TEC: variants seen among roughly 807,000 people sequenced by gnomAD.
The protein encoded by TEC is tec protein tyrosine kinase.
TEC carries 72 observed loss-of-function variants against 93.0 expected under a neutral mutation model. The ratio of observed to expected loss-of-function variants is 0.77; its 90% CI spans 0.64 to 0.94. TEC has a LOEUF of 0.94. TEC is among the 40% of genes least tolerant of loss of function. The probability of loss-of-function intolerance (pLI) is 0.00; values close to 1 mark genes in which losing one functional copy is unlikely to be tolerated. For missense variants in TEC, 630 were observed against 757.9 expected, an observed-to-expected ratio of 0.83 and a Z score of 1.98; for synonymous variants, 249 against 247.7, an observed-to-expected ratio of 1.01 and a Z score of -0.05.
chr4:48,235,315 G>C (rs140618513), intron 1 of TEC, among the ~76,000 whole-genome samples: 4 of 152,184 alleles, frequency 2.6e-5, no homozygotes, highest in African/African-American at 9.6e-5. Context: ...CCTAGTACAG[G>C]AGCTCAGTCC....
intron 2 of TEC, among the ~76,000 whole-genome samples, chr4:48,179,355 TATATATATATATATATA>T (rs1560393088): frequency 5.9e-4 from 20 of 34,134 alleles, no homozygotes; most frequent in African/African-American, 1.3e-3. Context: ...TATATATATA[TATATATATATATATATA>T]TATATTTTTT....
intron 1 of TEC, among the ~76,000 whole-genome samples, chr4:48,236,389 C>T (rs1264797262): frequency 2.0e-5 from 3 of 151,944 alleles, no homozygotes; most frequent in Non-Finnish European, 4.4e-5. Flanking sequence ...TCACGCCATT[C>T]TCCTGCCTCA....
At chr4:48,145,323 C>G (rs375204563) in intron 13 of TEC, 28 bp from the exon 14 acceptor site, 1 of 1,612,002 alleles carries the variant, frequency 6.2e-7, no homozygotes, top group Non-Finnish European at 8.5e-7. Context: ...TATATAGTTA[C>G]TATAGGAAAA....
At chr4:48,260,587 G>A (rs554389019) in intron 1 of TEC, among the ~76,000 whole-genome samples, 9 of 150,040 alleles carry the variant, frequency 6.0e-5, no homozygotes, top group African/African-American at 2.2e-4. Flanking sequence ...CTAAGCAACA[G>A]AGCAAGACTC....
intron 2 of TEC, among the ~76,000 whole-genome samples, chr4:48,221,107 A>G (rs903685813): frequency 1.3e-5 from 2 of 152,252 alleles, no homozygotes; most frequent in African/African-American, 4.8e-5. Flanking sequence ...TAAAGGATAC[A>G]AATGAACAAC....
Position 48,149,551 on chromosome 4 carries a change from A to T in TEC, c.1006+6T>A. On this transcript the variant is annotated splice_donor_region_variant and intron_variant, in intron 11 of 17. Transcript: ENST00000381501. ...TATTTGAAGTAGGTTTTCACAGCTC[A>T]CTTACCTGCTGCATTGTGCTTATGA... The T allele has an allele frequency of 6.3e-7, 1 of 1,593,710 alleles. No homozygotes were observed.
At chr4:48,240,960 A>C (rs1459721775) in intron 1 of TEC, among the ~76,000 whole-genome samples, 4 of 152,168 alleles carry the variant, frequency 2.6e-5, no homozygotes, top group Admixed American at 2.6e-4. Context: ...TAACAGGAAA[A>C]AAAAAACTGT....
chr4:48,219,157 A>G (rs1258099749), intron 2 of TEC, among the ~76,000 whole-genome samples: 2 of 152,242 alleles, frequency 1.3e-5, no homozygotes, highest in Non-Finnish European at 2.9e-5. Context: ...TAACCTAGGA[A>G]TAACCAGCGG....
chr4:48,165,002 C>A (rs1720824544), intron 7 of TEC, among the ~76,000 whole-genome samples: 1 of 151,886 alleles, frequency 6.6e-6, no homozygotes, highest in Non-Finnish European at 1.5e-5. Flanking sequence ...CAGAACGAGA[C>A]TCCATCTCAA....
rs1014141563 is a variant in TEC, at chr4:48,138,785, C to T, written c.1692G>A (p.Met564Ile). Residue 564 changes from methionine to isoleucine, a missense_variant, in exon 17 of 18, where the codon ATG becomes ATA. By Grantham distance (10) the Met-to-Ile change is conservative (BLOSUM62 1). Transcript: ENST00000381501. ...CATAATTGGTGTATTTTTCAAAAGG[C>T]ATTCTGCCTTCCGTGAATACTTCCC... ...LMWEVFTEGR[M>I]PFEKYTNYEV... The T allele has an allele frequency of 2.5e-6, 4 of 1,613,790 alleles. No individual in the cohort carries two copies. Among genetic ancestry groups the T allele is most frequent in the Non-Finnish European group, 3.4e-6 (4 of 1,179,902 alleles).
At chr4:48,219,599 G>A (rs573203228) in intron 2 of TEC, among the ~76,000 whole-genome samples, 3 of 152,156 alleles carry the variant, frequency 2.0e-5, no homozygotes, top group African/African-American at 4.8e-5. Context: ...AAATGCTGAC[G>A]TGTGCAGAGA....
At chr4:48,267,967 C>T (rs548219134) in intron 1 of TEC, among the ~76,000 whole-genome samples, 2 of 152,172 alleles carry the variant, frequency 1.3e-5, no homozygotes, top group African/African-American at 4.8e-5. Flanking sequence ...TCTGGATACC[C>T]GGAGAAAGGC....
At chr4:48,232,065 G>A (rs1340372565) in intron 1 of TEC, among the ~76,000 whole-genome samples, 1 of 152,076 alleles carries the variant, frequency 6.6e-6, no homozygotes, top group East Asian at 1.9e-4. Context: ...AAGGCAGGAG[G>A]ATCACTTGAG....
chr4:48,202,990 G>C (rs1722582973), intron 2 of TEC, among the ~76,000 whole-genome samples: 1 of 152,192 alleles, frequency 6.6e-6, no homozygotes, highest in Admixed American at 6.5e-5. Context: ...AGAACTGAGG[G>C]AACCAGCCAG....
Position 48,137,367 on chromosome 4 carries a change from C to G in TEC, c.*49G>C, listed in dbSNP as rs1198706872. 6.8e-7 allele frequency: 1 copy of G among 1,471,168 alleles called. No individual in the cohort carries two copies. Among genetic ancestry groups the G allele is most frequent in the South Asian group, 1.2e-5 (1 of 85,970 alleles). The allele number at this position is 1,471,168 out of a possible 1,614,324, so 91.1% of individuals were successfully genotyped here. On this transcript the variant is annotated 3_prime_UTR_variant, in exon 18 of 18. Coordinates refer to ENST00000381501, the MANE Select transcript of TEC (RefSeq NM_003215.3). ...CAATAAATTAAAAGCCACAAAATGC[C>G]CATCCTTCCTTGTGCTTGGGAATCT...
At chr4:48,235,270 G>A (rs1199791221) in intron 1 of TEC, among the ~76,000 whole-genome samples, 1 of 152,082 alleles carries the variant, frequency 6.6e-6, no homozygotes, top group African/African-American at 2.4e-5. Context: ...TTTAGCATGG[G>A]TGACTCCATT....
intron 2 of TEC, among the ~76,000 whole-genome samples, chr4:48,227,641 C>CAAAAAAA (rs34047322): frequency 1.2e-5 from 1 of 84,298 alleles, no homozygotes; most frequent in African/African-American, 4.3e-5. Context: ...GACACTGTCT[C>CAAAAAAA]AAAAAAAAAA....
At chr4:48,175,590 C>T (rs2109554701) in intron 3 of TEC, among the ~76,000 whole-genome samples, 1 of 152,172 alleles carries the variant, frequency 6.6e-6, no homozygotes, top group Middle Eastern at 3.4e-3. Flanking sequence ...AGGAGATGCG[C>T]GTGTGTGTGC....
intron 1 of TEC, among the ~76,000 whole-genome samples, chr4:48,250,870 G>A (rs1314332783): frequency 1.3e-5 from 2 of 152,166 alleles, no homozygotes; most frequent in African/African-American, 4.8e-5. Context: ...CTATACTCAT[G>A]AGCAAAAATA....
Sources: gnomAD v4.1 joint callset for allele counts (sites outside exome capture counted in the v4.1 genomes callset) on GRCh38, gnomAD v4.1.1 for gene constraint, MANE v1.5 for transcripts, NCBI Gene and HGNC (gene_info 2026-07-23, HGNC 2026-07-21) for gene names.